MDN1: variants seen among roughly 807,000 people sequenced by gnomAD.
MDN1 encodes midasin.
Under a neutral mutation model 669.2 loss-of-function variants are expected in MDN1, and 266 were observed. The ratio of observed to expected loss-of-function variants is 0.40; its 90% CI spans 0.36 to 0.44. The LOEUF (loss-of-function observed/expected upper bound fraction) is 0.44, where lower values mean the gene tolerates loss of function less well. Among genes scored for constraint, MDN1 ranks in the 20% least tolerant of loss-of-function variants. The probability of loss-of-function intolerance (pLI) is 1.00; values close to 1 mark genes in which losing one functional copy is unlikely to be tolerated. For synonymous variants in MDN1, 2,385 were observed against 2,457.1 expected (o/e 0.97, Z 0.87); for missense variants, 5,940 against 6,754.0 (o/e 0.88, Z 4.22).
intron 83 of MDN1, among the ~76,000 whole-genome samples, chr6:89,670,093 GATTACA>G (rs367708624): frequency 6.4e-4 from 83 of 130,698 alleles, no homozygotes; most frequent in African/African-American, 1.7e-3. Context: ...ATCACGTGGA[GATTACA>G]ATTACAATTA....
chr6:89,736,760 C>G (rs1233695166), intron 33 of MDN1, among the ~76,000 whole-genome samples: 1 of 152,196 alleles, frequency 6.6e-6, no homozygotes, highest in Non-Finnish European at 1.5e-5. Context: ...CACCACTGCA[C>G]TCCAGCCTGG....
At chr6:89,759,679 G>A (rs202200942) in intron 17 of MDN1, among the ~76,000 whole-genome samples, 3 of 151,806 alleles carry the variant, frequency 2.0e-5, no homozygotes, top group East Asian at 1.9e-4. Flanking sequence ...CAGGAGAATC[G>A]CTTGAACCTG....
chr6:89,670,150 ATATATATATATATATATATAT>A (rs1361045339), intron 83 of MDN1, among the ~76,000 whole-genome samples: 3 of 20,874 alleles, frequency 1.4e-4, no homozygotes, highest in Admixed American at 6.8e-4. Context: ...ATATATATAT[ATATATATATATATATATATAT>A]TTTTTTTTTT....
At chr6:89,774,292 C>G (rs895219672) in intron 13 of MDN1, among the ~76,000 whole-genome samples, 3 of 152,134 alleles carry the variant, frequency 2.0e-5, no homozygotes, top group African/African-American at 7.2e-5. Flanking sequence ...TCTTATATAA[C>G]CCCAGCCTTC....
intron 37 of MDN1, among the ~76,000 whole-genome samples, chr6:89,727,100 GA>G (rs1325644041): frequency 5.3e-5 from 8 of 151,894 alleles, no homozygotes; most frequent in Non-Finnish European, 7.4e-5. Context: ...CTGAAAAATG[GA>G]AAAAAATTCC....
chr6:89,730,455 A>G (rs561472411), intron 35 of MDN1, among the ~76,000 whole-genome samples: 2 of 152,230 alleles, frequency 1.3e-5, no homozygotes, highest in African/African-American at 4.8e-5. Context: ...TTACTATAGG[A>G]AAGTTCCTAA....
At chr6:89,772,260 C>T (rs1384894858) in intron 14 of MDN1, among the ~76,000 whole-genome samples, 1 of 152,062 alleles carries the variant, frequency 6.6e-6, no homozygotes, top group Admixed American at 6.6e-5. Flanking sequence ...GCCTCAGCAA[C>T]AGTGCGACCC....
intron 72 of MDN1, 65 bp from the exon 73 acceptor site, chr6:89,683,395 A>AAATACATTATCATGCATC: frequency 7.4e-7 from 1 of 1,353,870 alleles, no homozygotes; most frequent in Non-Finnish European, 1.0e-6. Flanking sequence ...GACATATAAA[A>AAATACATTATCATGCATC]AATACATTAT....
At chr6:89,761,023 G>A (rs1266175247) in intron 17 of MDN1, among the ~76,000 whole-genome samples, 3 of 152,160 alleles carry the variant, frequency 2.0e-5, no homozygotes, top group South Asian at 2.1e-4. Context: ...AAAATTAGCC[G>A]GGCATGGTGG....
chr6:89,754,096 C>A lies in MDN1; in HGVS notation c.2951G>T (p.Arg984Leu). ...CTTCAGAAAGACCTCATAGAGTGAG[C>A]GCTGAATGTTGCCACATGGATTGGA... The part of the protein sequence containing the change: ...AASNPCGNIQ[R>L]SLYEGFCLGF... Residue 984 changes from arginine (R) to leucine (L), a missense_variant, in exon 21 of 102, where the codon CGC (arginine) becomes CTC (leucine). Arg to Leu is a moderately radical substitution (Grantham distance 102). This residue lies in a region of MDN1 where 1,203 missense variants were observed against 1,268.9 expected (regional missense o/e 0.95). Transcript: ENST00000369393. 1 of 1,613,778 alleles carries A rather than the reference C, an allele frequency of 6.2e-7. No homozygotes were observed. Among genetic ancestry groups the A allele is most frequent in the African/African-American group, 1.3e-5 (1 of 74,978 alleles).
At chr6:89,804,598 A>G (rs1196349396) in intron 1 of MDN1, among the ~76,000 whole-genome samples, 1 of 152,204 alleles carries the variant, frequency 6.6e-6, no homozygotes. Flanking sequence ...TCTTCAGGAA[A>G]GGACAGAGGT....
At chr6:89,721,382 C>G (rs1449484143) in intron 40 of MDN1, among the ~76,000 whole-genome samples, 2 of 152,158 alleles carry the variant, frequency 1.3e-5, no homozygotes, top group African/African-American at 2.4e-5. Flanking sequence ...TCTGGACCAG[C>G]TTAACGGTTC....
chr6:89,785,881 T>C (rs574145059), intron 8 of MDN1, among the ~76,000 whole-genome samples: 9 of 152,308 alleles, frequency 5.9e-5, no homozygotes, highest in Admixed American at 5.9e-4. Flanking sequence ...CAGTGGCTCA[T>C]GTCGGTCGTT....
intron 20 of MDN1, among the ~76,000 whole-genome samples, chr6:89,755,780 C>CA (rs1164068004): frequency 2.6e-5 from 4 of 152,170 alleles, no homozygotes; most frequent in East Asian, 1.9e-4. Flanking sequence ...ATATGGCATA[C>CA]AAAAAACAGG....
chr6:89,814,654 G>A, intron 1 of MDN1: 1 of 242,336 alleles, frequency 4.1e-6, no homozygotes, highest in South Asian at 5.0e-5. Flanking sequence ...CTAGTGGGCA[G>A]AGTAGACTCT....
At chr6:89,767,163 C>T (rs1018242400) in intron 15 of MDN1, among the ~76,000 whole-genome samples, 10 of 152,138 alleles carry the variant, frequency 6.6e-5, no homozygotes, top group African/African-American at 2.4e-4. Flanking sequence ...CTGTCCCCAC[C>T]CGCAACTCTT....
At chr6:89,749,844 C>T (rs1305252898) in intron 24 of MDN1, 93 bp from the exon 25 acceptor site, 7 of 1,029,086 alleles carry the variant, frequency 6.8e-6, no homozygotes, top group South Asian at 4.6e-5. Flanking sequence ...AGGTTATCAT[C>T]AAATTTCAAA....
Position 89,715,656 on chromosome 6 carries a change from A to C in MDN1, c.6857T>G (p.Phe2286Cys). 6.3e-7 allele frequency: 1 copy of C among 1,583,860 alleles called. No homozygotes were observed. The highest frequency in any genetic ancestry group is 1.1e-5 in the South Asian group (1 of 90,416). The change falls in exon 45 of 102, where the codon TTC (phenylalanine) becomes TGC (cysteine). Residue 2286 changes from phenylalanine (F) to cysteine (C), a missense_variant. Physicochemically the swap from Phe to Cys is radical, Grantham distance 205. Transcript: ENST00000369393. The stretch of plus-strand genomic sequence containing the variant: ...GAAATGTAAGAGATACAAATACCTG[A>C]AATTGGGATTTGGTGTTATCGTGGG... The part of the protein sequence containing the change: ...STPTITPNPN[F>C]RLFLSMDPVH...
intron 26 of MDN1, among the ~76,000 whole-genome samples, chr6:89,748,604 G>C (rs1816786616): frequency 1.3e-5 from 2 of 151,602 alleles, no homozygotes; most frequent in Admixed American, 1.3e-4. Flanking sequence ...CCAAAAACCA[G>C]TTTTCCCTAA....
Sources: allele counts gnomAD v4.1 joint callset (sites outside exome capture counted in the v4.1 genomes callset), GRCh38; gene constraint gnomAD v4.1.1; regional missense constraint gnomAD v4.1.1; transcripts MANE v1.5; gene names NCBI Gene and HGNC (gene_info 2026-07-23, HGNC 2026-07-21).